The following FGF14 variants were observed in gnomAD, a reference collection of about 807,000 sequenced individuals.
FGF14 encodes the protein fibroblast growth factor homologous factor 4.
FGF14 carries 5 observed loss-of-function variants against 25.5 expected under a neutral mutation model. The ratio of observed to expected loss-of-function variants is 0.20; its 90% CI spans 0.10 to 0.41. FGF14 has a LOEUF of 0.41. Among genes scored for constraint, FGF14 ranks in the 10% least tolerant of loss-of-function variants. The probability of loss-of-function intolerance (pLI) is 1.00; values close to 1 mark genes in which losing one functional copy is unlikely to be tolerated. For synonymous variants in FGF14, 138 were observed against 118.3 expected (o/e 1.17, Z -1.08); for missense variants, 222 against 320.1 (o/e 0.69, Z 2.34).
At chr13:102,138,636 A>T (rs2140444813) in intron 1 of FGF14, among the ~76,000 whole-genome samples, 1 of 151,152 alleles carries the variant, frequency 6.6e-6, no homozygotes, top group Non-Finnish European at 1.5e-5. Context: ...GTGAGGTGTC[A>T]GTCCATCCAA....
intron 3 of FGF14, among the ~76,000 whole-genome samples, chr13:101,841,568 C>T (rs2984837): frequency 0.012 from 1,768 of 152,052 alleles, 30 homozygotes; most frequent in African/African-American, 0.04. Flanking sequence ...AGTCTCATAT[C>T]TCAGAAGTCA....
chr13:102,281,435 A>C (rs532421336), intron 1 of FGF14, among the ~76,000 whole-genome samples: 1 of 152,056 alleles, frequency 6.6e-6, no homozygotes, highest in Non-Finnish European at 1.5e-5. Flanking sequence ...GTCCCACCTC[A>C]TCTCCCTCCT....
chr13:102,279,369 T>C (rs1260600230), intron 1 of FGF14, among the ~76,000 whole-genome samples: 1 of 152,196 alleles, frequency 6.6e-6, no homozygotes, highest in Non-Finnish European at 1.5e-5. Flanking sequence ...GTTCAGGTTA[T>C]TTCTACCTTT....
intron 1 of FGF14, among the ~76,000 whole-genome samples, chr13:102,105,197 A>G (rs1446121923): frequency 6.6e-6 from 1 of 152,218 alleles, no homozygotes; most frequent in Non-Finnish European, 1.5e-5. Flanking sequence ...AAGGCAGTGT[A>G]TTATGATCTG....
intron 1 of FGF14, among the ~76,000 whole-genome samples, chr13:102,326,704 A>T (rs796716451): frequency 2.2e-4 from 13 of 60,092 alleles, no homozygotes; most frequent in African/African-American, 1.2e-3. Flanking sequence ...GGAAGGAAGG[A>T]AGGAAGGAAG....
rs1021927997 is a variant in FGF14 at position 101,926,132 on chromosome 13, C to A, written c.209-50836G>T. On this transcript the variant is annotated intron_variant, in intron 1 of 4. Transcript: ENST00000376131. The stretch of plus-strand genomic sequence containing the variant: ...GTGTAAACTGACGTATTCACATACT[C>A]ACAAGTTGCAGGGATAAGGATATGG... 6.6e-5 allele frequency among the ~76,000 whole-genome samples: 10 copies of A among 152,302 alleles called. No homozygotes were observed. In the East Asian group the frequency reaches 1.5e-3, roughly 24 times the overall value.
At chr13:101,867,383 G>A (rs1238234576) in intron 3 of FGF14, among the ~76,000 whole-genome samples, 1 of 152,076 alleles carries the variant, frequency 6.6e-6, no homozygotes, top group Non-Finnish European at 1.5e-5. Context: ...CAATTTCCCT[G>A]TCATCAACAT....
intron 3 of FGF14, among the ~76,000 whole-genome samples, chr13:101,867,661 G>T (rs899035248): frequency 2.0e-5 from 3 of 152,090 alleles, no homozygotes; most frequent in Non-Finnish European, 4.4e-5. Flanking sequence ...GCAACATGCT[G>T]CATATTCGTC....
At chr13:102,173,826 TA>T (rs1245983876) in intron 1 of FGF14, among the ~76,000 whole-genome samples, 1 of 151,456 alleles carries the variant, frequency 6.6e-6, no homozygotes, top group Non-Finnish European at 1.5e-5. Flanking sequence ...AGGGTAGGGG[TA>T]GGGGGGTATG....
intron 1 of FGF14, among the ~76,000 whole-genome samples, chr13:101,943,820 A>ATATATATATAT (rs1555324427): frequency 9.9e-5 from 12 of 121,180 alleles, no homozygotes; most frequent in African/African-American, 7.4e-4. Flanking sequence ...CTTAAAAAAA[A>ATATATATATAT]AAAAAAATAT....
At chr13:101,863,738 T>C (rs1041658896) in intron 3 of FGF14, among the ~76,000 whole-genome samples, 1 of 152,268 alleles carries the variant, frequency 6.6e-6, no homozygotes, top group Middle Eastern at 3.4e-3. Context: ...TTCTATACCC[T>C]AAACTTGAGC....
intron 1 of FGF14, among the ~76,000 whole-genome samples, chr13:102,114,155 T>C (rs961504190): frequency 6.6e-6 from 1 of 152,228 alleles, no homozygotes; most frequent in African/African-American, 2.4e-5. Context: ...TTTGCATTTC[T>C]TGGATGATTA....
At chr13:101,836,251 G>A (rs1203066802) in intron 3 of FGF14, among the ~76,000 whole-genome samples, 2 of 152,012 alleles carry the variant, frequency 1.3e-5, no homozygotes, top group African/African-American at 4.8e-5. Context: ...TCTTATGACT[G>A]CTCTAAGACA....
At chr13:101,903,526 G>A (rs1380673300) in intron 1 of FGF14, among the ~76,000 whole-genome samples, 3 of 151,806 alleles carry the variant, frequency 2.0e-5, no homozygotes, top group Non-Finnish European at 4.4e-5. Flanking sequence ...GACTTTTAGT[G>A]GAGACTTGGG....
chr13:102,091,738 G>A (rs1294510642), intron 1 of FGF14, among the ~76,000 whole-genome samples: 1 of 152,024 alleles, frequency 6.6e-6, no homozygotes, highest in Non-Finnish European at 1.5e-5. Context: ...CCACAATTCT[G>A]GGGGTGGGAA....
intron 3 of FGF14, among the ~76,000 whole-genome samples, chr13:101,840,381 T>G (rs2043139273): frequency 6.6e-6 from 1 of 151,870 alleles, no homozygotes; most frequent in South Asian, 2.1e-4. Context: ...CAACTTTTTC[T>G]TATTTCTCAG....
At chr13:101,900,057 T>C (rs778611507) in intron 1 of FGF14, among the ~76,000 whole-genome samples, 6 of 152,080 alleles carry the variant, frequency 3.9e-5, no homozygotes, top group Non-Finnish European at 8.8e-5. Flanking sequence ...AACCAGACAA[T>C]TGTTAAATAT....
At chr13:101,938,141 T>TG (rs1228711630) in intron 1 of FGF14, among the ~76,000 whole-genome samples, 1 of 152,154 alleles carries the variant, frequency 6.6e-6, no homozygotes, top group Non-Finnish European at 1.5e-5. Flanking sequence ...TTGACATCAG[T>TG]GGGGGTCGGA....
intron 3 of FGF14, among the ~76,000 whole-genome samples, chr13:101,773,115 G>A (rs530788960): frequency 6.6e-6 from 1 of 152,102 alleles, no homozygotes; most frequent in Non-Finnish European, 1.5e-5. Context: ...TGAAGCAGGA[G>A]GTGATGCCTA....
Sources: allele counts gnomAD v4.1 joint callset (sites outside exome capture counted in the v4.1 genomes callset), GRCh38; gene constraint gnomAD v4.1.1; transcripts MANE v1.5; gene names NCBI Gene and HGNC (gene_info 2026-07-23, HGNC 2026-07-21).